Variants in FIP1L1 observed in about 807,000 individuals in gnomAD.
FIP1L1 encodes the protein pre-mRNA 3'-end-processing factor FIP1.
FIP1L1 carries 21 observed loss-of-function variants against 84.6 expected under a neutral mutation model. The observed-to-expected ratio is 0.25, with a 90% confidence interval of 0.18 to 0.36. The LOEUF is 0.36. Among genes scored for constraint, FIP1L1 ranks in the 10% least tolerant of loss-of-function variants. FIP1L1 has a pLI of 1.00. For synonymous variants in FIP1L1, 263 were observed against 242.3 expected, an observed-to-expected ratio of 1.09 and a Z score of -0.80; for missense variants, 526 against 751.1, an observed-to-expected ratio of 0.70 and a Z score of 3.50.
intron 9 of FIP1L1, 67 bp from the exon 10 acceptor site, chr4:53,399,663 C>A: frequency 1.0e-6 from 1 of 954,356 alleles, no homozygotes. Flanking sequence ...CTTATTTTAA[C>A]ATCTAAAGTC....
In FIP1L1 at chr4:53,390,644, A is replaced by C. The variant is rs1743770179; in HGVS notation, c.505+16A>C. 1 of 1,504,344 alleles carries C rather than the reference A, an allele frequency of 6.6e-7. No individual in the cohort carries two copies. Among genetic ancestry groups the C allele is most frequent in the South Asian group, 1.2e-5 (1 of 81,836 alleles). The allele number at this position is 1,504,344 out of a possible 1,614,324, so 93.2% of individuals were successfully genotyped here. On this transcript the variant is annotated intron_variant, in intron 7 of 17. Transcript: ENST00000337488. Reference sequence around the variant, plus strand: ...CGTAAACCTGGTAAGATTATTGTGGATTATATTAATTTCAATATTTTCAGT... The same window carrying C: ...CGTAAACCTGGTAAGATTATTGTGGCTTATATTAATTTCAATATTTTCAGT...
intron 10 of FIP1L1, among the ~76,000 whole-genome samples, chr4:53,414,272 G>A (rs1758459535): frequency 1.3e-5 from 2 of 151,938 alleles, no homozygotes; most frequent in Admixed American, 6.6e-5. Flanking sequence ...TTGTAAAATT[G>A]CAAAAATTAA....
At chr4:53,421,897 C>G (rs1243850709) in intron 11 of FIP1L1, among the ~76,000 whole-genome samples, 1 of 152,058 alleles carries the variant, frequency 6.6e-6, no homozygotes, top group African/African-American at 2.4e-5. Context: ...TTTAGAGAAC[C>G]ATGTTGCTAG....
At chr4:53,419,213 T>A (rs1465209014) in intron 11 of FIP1L1, among the ~76,000 whole-genome samples, 1 of 152,188 alleles carries the variant, frequency 6.6e-6, no homozygotes, top group Non-Finnish European at 1.5e-5. Flanking sequence ...AAATTTGGGC[T>A]TATTTCACCT....
At chr4:53,458,090 C>T (rs1264076864) in intron 16 of FIP1L1, among the ~76,000 whole-genome samples, 3 of 152,206 alleles carry the variant, frequency 2.0e-5, no homozygotes, top group African/African-American at 7.2e-5. Flanking sequence ...GTAGAAGTTG[C>T]TTTGATGTCT....
chr4:53,393,698 T>A (rs532513268), intron 9 of FIP1L1, among the ~76,000 whole-genome samples: 27 of 150,642 alleles, frequency 1.8e-4, no homozygotes, highest in African/African-American at 6.6e-4. Flanking sequence ...GAGAAAACGT[T>A]GACTACAACG....
At chr4:53,425,749 T>C in intron 11 of FIP1L1, 123 bp from the exon 12 acceptor site, 1 of 670,176 alleles carries the variant, frequency 1.5e-6, no homozygotes, top group South Asian at 2.0e-5. Context: ...TCAATGTGTA[T>C]TGTGATCTGG....
intron 9 of FIP1L1, among the ~76,000 whole-genome samples, chr4:53,397,109 T>C (rs1560503362): frequency 6.6e-6 from 1 of 152,214 alleles, no homozygotes; most frequent in Non-Finnish European, 1.5e-5. Context: ...TTGAAGCAAG[T>C]GATTGTGCTT....
chr4:53,393,756 T>A (rs1236703454), intron 9 of FIP1L1, among the ~76,000 whole-genome samples: 2 of 54,364 alleles, frequency 3.7e-5, no homozygotes, highest in African/African-American at 1.1e-4. Context: ...GCATAGATTT[T>A]CCCCCCGGCC....
chr4:53,448,737 G>A (rs1026949530), intron 15 of FIP1L1, among the ~76,000 whole-genome samples: 1 of 152,138 alleles, frequency 6.6e-6, no homozygotes, highest in Non-Finnish European at 1.5e-5. Context: ...AGATCAGTCT[G>A]TGTGGAATTC....
At chr4:53,434,798 G>A (rs369515286) in intron 13 of FIP1L1, among the ~76,000 whole-genome samples, 44 of 152,240 alleles carry the variant, frequency 2.9e-4, no homozygotes, top group African/African-American at 9.1e-4. Context: ...AAGTAGTTTT[G>A]ACCTGGCAGA....
intron 9 of FIP1L1, among the ~76,000 whole-genome samples, chr4:53,394,896 G>C (rs1746421063): frequency 6.6e-6 from 1 of 151,932 alleles, no homozygotes; most frequent in South Asian, 2.1e-4. Context: ...TGTTTGTAAA[G>C]TTAAACTTTT....
At chr4:53,447,752 G>A (rs534148911) in intron 15 of FIP1L1, among the ~76,000 whole-genome samples, 1 of 152,144 alleles carries the variant, frequency 6.6e-6, no homozygotes, top group South Asian at 2.1e-4. Context: ...GAGATATCTT[G>A]GGGATGGAAA....
rs2150393520 is a variant in FIP1L1 at position 53,452,943 on chromosome 4, T to G, written c.1309T>G (p.Ser437Ala). 1 of 1,612,978 alleles carries G rather than the reference T, an allele frequency of 6.2e-7. No individual in the cohort carries two copies. The highest frequency in any genetic ancestry group is 8.5e-7 in the Non-Finnish European group (1 of 1,179,982). ...AGTTGCCTTTCCCCATCTTCCTGGT[T>G]CTGCTCCTTCGTGGCCTAGTCTTGT... ...GNVAFPHLPG[S>A]APSWPSLVDT... The change falls in exon 16 of 18, where the codon TCT (serine) becomes GCT (alanine). Residue 437 changes from serine (S) to alanine (A), a missense_variant. Ser to Ala is a moderately conservative substitution (Grantham distance 99, BLOSUM62 1). Transcript: ENST00000337488.
intron 11 of FIP1L1, among the ~76,000 whole-genome samples, chr4:53,423,600 TATC>T (rs765060296): frequency 3.3e-5 from 5 of 152,240 alleles, no homozygotes; most frequent in African/African-American, 7.2e-5. Flanking sequence ...CTGTGTGTCT[TATC>T]ATAAAACATT....
intron 9 of FIP1L1, among the ~76,000 whole-genome samples, chr4:53,393,973 C>T (rs187164058): frequency 5.3e-5 from 8 of 151,956 alleles, no homozygotes; most frequent in Admixed American, 2.6e-4. Flanking sequence ...TGGATATCTT[C>T]GAATGGTCTT....
chr4:53,414,040 T>G (rs1758358159), intron 10 of FIP1L1, among the ~76,000 whole-genome samples: 1 of 152,204 alleles, frequency 6.6e-6, no homozygotes, highest in African/African-American at 2.4e-5. Context: ...ATTGGCAATA[T>G]TGCAAATATC....
At chr4:53,415,247 A>G (rs1013877245) in intron 11 of FIP1L1, among the ~76,000 whole-genome samples, 2 of 152,172 alleles carry the variant, frequency 1.3e-5, no homozygotes, top group Non-Finnish European at 2.9e-5. Context: ...TCTACCCTCC[A>G]GTGAATTTTG....
At chr4:53,384,180 G>A (rs866086206) in intron 5 of FIP1L1, among the ~76,000 whole-genome samples, 3 of 152,086 alleles carry the variant, frequency 2.0e-5, no homozygotes, top group South Asian at 2.1e-4. Flanking sequence ...AGGCCGAGGC[G>A]GGTGAATCAC....
Sources: gnomAD v4.1 joint callset for allele counts (sites outside exome capture counted in the v4.1 genomes callset) on GRCh38, gnomAD v4.1.1 for gene constraint, MANE v1.5 for transcripts, NCBI Gene and HGNC (gene_info 2026-07-23, HGNC 2026-07-21) for gene names.